MECOM: variants seen among roughly 807,000 people sequenced by gnomAD.
The protein encoded by MECOM is MDS1 and EVI1 complex locus.
MECOM carries 13 observed loss-of-function variants against 116.3 expected under a neutral mutation model. The observed-to-expected ratio is 0.11, with a 90% CI of 0.07 to 0.18. The LOEUF (loss-of-function observed/expected upper bound fraction) is 0.18. MECOM is among the 10% of genes least tolerant of loss of function. The pLI is 1.00. For synonymous variants in MECOM, 528 were observed against 535.2 expected, an observed-to-expected ratio of 0.99 and a Z score of 0.19; for missense variants, 1,299 against 1,509.0, an observed-to-expected ratio of 0.86 and a Z score of 2.31.
chr3:169,302,665 A>G (rs1257769009), intron 2 of MECOM, among the ~76,000 whole-genome samples: 1 of 152,072 alleles, frequency 6.6e-6, no homozygotes, highest in Admixed American at 6.6e-5. Flanking sequence ...TGAGTTCAAG[A>G]CCAGCCTGGC....
chr3:169,330,777 A>G (rs774514197), intron 2 of MECOM, among the ~76,000 whole-genome samples: 2 of 152,134 alleles, frequency 1.3e-5, no homozygotes, highest in Non-Finnish European at 2.9e-5. Context: ...AAAATAAGTG[A>G]CATTTTCATT....
intron 1 of MECOM, among the ~76,000 whole-genome samples, chr3:169,488,212 T>C (rs974908137): frequency 6.6e-6 from 1 of 151,864 alleles, no homozygotes; most frequent in Admixed American, 6.6e-5. Context: ...ATCAAACATA[T>C]ATAGAAGTCT....
intron 2 of MECOM, among the ~76,000 whole-genome samples, chr3:169,332,278 T>TACAATCTAGGGAGCTTC (rs1722879132): frequency 6.6e-6 from 1 of 151,952 alleles, no homozygotes; most frequent in Non-Finnish European, 1.5e-5. Context: ...GCCAAGAAAG[T>TACAATCTAGGGAGCTTC]TGAAAGTCCT....
At chr3:169,295,561 A>G (rs543178602) in intron 2 of MECOM, among the ~76,000 whole-genome samples, 9 of 152,366 alleles carry the variant, frequency 5.9e-5, no homozygotes, top group African/African-American at 1.7e-4. Context: ...CTTGTAGAAA[A>G]CATTTCCATT....
At chr3:169,368,958 A>G (rs754178184) in intron 2 of MECOM, among the ~76,000 whole-genome samples, 37 of 152,140 alleles carry the variant, frequency 2.4e-4, no homozygotes, top group Non-Finnish European at 2.2e-4. Flanking sequence ...ATCACCCAAC[A>G]TTCCTTTGAA....
At chr3:169,329,561 C>A (rs1722398756) in intron 2 of MECOM, among the ~76,000 whole-genome samples, 1 of 152,146 alleles carries the variant, frequency 6.6e-6, no homozygotes, top group Non-Finnish European at 1.5e-5. Context: ...GTTGGAATCC[C>A]ACTGAATGAA....
rs781216304 is a variant in MECOM at position 169,100,950 on chromosome 3, C to T, written c.2784G>A (p.Lys928=). 3.2e-5 allele frequency: 52 copies of T among 1,608,060 alleles called. No individual in the cohort carries two copies. The highest frequency in any genetic ancestry group is 4.2e-5 in the Non-Finnish European group (49 of 1,176,358). ...TTAGGTTTGCAGACCTTGGAAAAATCTTGCCACAGTATCTGTTATGAAAAG... is the reference window on the plus strand; with the variant it reads ...TTAGGTTTGCAGACCTTGGAAAAATTTTGCCACAGTATCTGTTATGAAAAG... ...KERYTCRYCG[K]IFPRSANLTR... Residue 928 remains lysine (K), a synonymous_variant, in exon 12 of 17, where the codon AAG becomes AAA. Coordinates refer to ENST00000651503, the MANE Select transcript of MECOM (RefSeq NM_004991.4).
intron 1 of MECOM, among the ~76,000 whole-genome samples, chr3:169,506,746 C>A (rs1045803229): frequency 6.6e-6 from 1 of 152,144 alleles, no homozygotes; most frequent in Non-Finnish European, 1.5e-5. Flanking sequence ...GCTATACTTA[C>A]CCCAGGGTGA....
chr3:169,217,100 G>A (rs1040537504), intron 2 of MECOM, among the ~76,000 whole-genome samples: 1 of 152,118 alleles, frequency 6.6e-6, no homozygotes, highest in Non-Finnish European at 1.5e-5. Flanking sequence ...ATGATCCGCA[G>A]ATAGCCAGAG....
At chr3:169,326,981 C>T (rs1368713114) in intron 2 of MECOM, among the ~76,000 whole-genome samples, 1 of 152,190 alleles carries the variant, frequency 6.6e-6, no homozygotes, top group Non-Finnish European at 1.5e-5. Context: ...GCCAAGCCTA[C>T]TTTCAATAAA....
chr3:169,414,715 A>G (rs980382339), intron 1 of MECOM, among the ~76,000 whole-genome samples: 14 of 152,190 alleles, frequency 9.2e-5, no homozygotes, highest in African/African-American at 3.4e-4. Context: ...TGAAAAACAC[A>G]GCACGAGAAC....
intron 1 of MECOM, among the ~76,000 whole-genome samples, chr3:169,633,482 A>G (rs1772336420): frequency 6.6e-6 from 1 of 152,218 alleles, no homozygotes; most frequent in Non-Finnish European, 1.5e-5. Context: ...TCACTAAAAC[A>G]TCAACCCACA....
In MECOM at chr3:169,146,152, A is replaced by C. The variant is rs147468499; in HGVS notation, c.376-2320T>G. On this transcript the variant is annotated intron_variant, in intron 2 of 16. Coordinates refer to ENST00000651503, the MANE Select transcript of MECOM (RefSeq NM_004991.4). ...ACCTCCAAAGATAGCTTAAAAAAAA[A>C]CCGTTTAGGTAGACTTTAGAGAAAG... The C allele has an allele frequency of 2.7e-4, 257 of 942,084 alleles. 2 individuals carry two copies. The African/African-American group carries it at 3.9e-3, about 14-fold the overall frequency. The allele number at this position is 942,084 out of a possible 1,614,324, so 58.4% of individuals were successfully genotyped here. A position where few individuals can be genotyped will look rare whatever the true frequency, so the allele number is the denominator to read the frequency against.
At chr3:169,435,575 T>C (rs571941406) in intron 1 of MECOM, among the ~76,000 whole-genome samples, 2 of 152,150 alleles carry the variant, frequency 1.3e-5, no homozygotes, top group Non-Finnish European at 2.9e-5. Flanking sequence ...GAGAGTCACA[T>C]CAAACTAAGA....
intron 1 of MECOM, among the ~76,000 whole-genome samples, chr3:169,517,165 C>T (rs1395557996): frequency 6.6e-6 from 1 of 152,150 alleles, no homozygotes; most frequent in Non-Finnish European, 1.5e-5. Context: ...GGGCAGGAAG[C>T]TCCAGGGAGA....
chr3:169,541,350 G>A (rs1446980150), intron 1 of MECOM, among the ~76,000 whole-genome samples: 1 of 152,192 alleles, frequency 6.6e-6, no homozygotes, highest in Non-Finnish European at 1.5e-5. Flanking sequence ...TATCAAATAT[G>A]CATGACATCT....
chr3:169,551,373 TA>T (rs201636185), intron 1 of MECOM, among the ~76,000 whole-genome samples: 301 of 145,470 alleles, frequency 2.1e-3, no homozygotes, highest in Middle Eastern at 3.6e-3. Context: ...ATCTACACTT[TA>T]AAAAAAAAAA....
intron 2 of MECOM, among the ~76,000 whole-genome samples, chr3:169,259,079 T>G (rs1190250071): frequency 6.6e-6 from 1 of 152,318 alleles, no homozygotes; most frequent in South Asian, 2.1e-4. Flanking sequence ...TTTCTAGAGC[T>G]GATGCCATTT....
intron 1 of MECOM, among the ~76,000 whole-genome samples, chr3:169,476,732 T>C (rs75426496): frequency 0.034 from 5,182 of 151,944 alleles, 318 homozygotes; most frequent in African/African-American, 0.12. Context: ...AATCTCGCCC[T>C]CCTGTGACCC....
Sources: gnomAD v4.1 joint callset for allele counts (sites outside exome capture counted in the v4.1 genomes callset) on GRCh38, gnomAD v4.1.1 for gene constraint, MANE v1.5 for transcripts, NCBI Gene and HGNC (gene_info 2026-07-23, HGNC 2026-07-21) for gene names.